The following LRP1B variants were observed in gnomAD, a reference collection of about 807,000 sequenced individuals.
LRP1B encodes LDL receptor related protein 1B, also known as low-density lipoprotein receptor-related protein 1B.
LRP1B carries 217 observed loss-of-function variants against 556.6 expected under a neutral mutation model. That is an observed-to-expected ratio of 0.39 (90% confidence interval 0.35 to 0.44). The LOEUF (loss-of-function observed/expected upper bound fraction) is 0.44, where lower values mean the gene tolerates loss of function less well. Ranked by LOEUF, LRP1B falls within the 20% of genes least tolerant of loss-of-function variation. LRP1B has a pLI of 1.00. For missense variants in LRP1B, 5,053 were observed against 5,620.8 expected (o/e 0.90, Z 3.23); for synonymous variants, 2,047 against 1,865.8 (o/e 1.10, Z -2.50).
chr2:141,216,031 T>C (rs1222258824), intron 6 of LRP1B, among the ~76,000 whole-genome samples: 1 of 152,128 alleles, frequency 6.6e-6, no homozygotes, highest in Non-Finnish European at 1.5e-5. Flanking sequence ...GAAAAATGTC[T>C]CAAAGGCACT....
At chr2:140,240,405 A>G (rs1217614131) in intron 87 of LRP1B, among the ~76,000 whole-genome samples, 4 of 150,704 alleles carry the variant, frequency 2.7e-5, no homozygotes, top group Admixed American at 1.3e-4. Flanking sequence ...AAAATGGAGG[A>G]GACTTGGTTT....
intron 2 of LRP1B, among the ~76,000 whole-genome samples, chr2:141,644,007 AGAGTGT>A (rs57982443): frequency 0.13 from 17,905 of 142,088 alleles, 1,114 homozygotes; most frequent in South Asian, 0.15. Context: ...GAGAATGTGG[AGAGTGT>A]GTGTGTGTGT....
At chr2:141,156,632 A>AG (rs1433993332) in intron 7 of LRP1B, among the ~76,000 whole-genome samples, 1 of 152,000 alleles carries the variant, frequency 6.6e-6, no homozygotes, top group South Asian at 2.1e-4. Context: ...GAAAAAAAAA[A>AG]AAAATCAATT....
intron 43 of LRP1B, among the ~76,000 whole-genome samples, chr2:140,572,564 T>G (rs748088193): frequency 2.0e-5 from 3 of 151,618 alleles, no homozygotes; most frequent in African/African-American, 4.8e-5. Flanking sequence ...GAAAAAAATA[T>G]TGAAGGGTCT....
chr2:140,919,556 G>A (rs1197778168), intron 21 of LRP1B, among the ~76,000 whole-genome samples: 5 of 151,974 alleles, frequency 3.3e-5, no homozygotes, highest in Admixed American at 2.6e-4. Context: ...CCAGATCCCA[G>A]CTTCATGTGG....
chr2:141,119,905 C>G (rs1922694), intron 7 of LRP1B, among the ~76,000 whole-genome samples: 1 of 151,960 alleles, frequency 6.6e-6, no homozygotes, highest in African/African-American at 2.4e-5. Context: ...CATCTATCAC[C>G]CTGAAGATCC....
intron 33 of LRP1B, among the ~76,000 whole-genome samples, chr2:140,775,287 T>C (rs1452893252): frequency 6.6e-6 from 1 of 151,940 alleles, no homozygotes; most frequent in Non-Finnish European, 1.5e-5. Flanking sequence ...CCCTTGGTTT[T>C]CTATTATTAC....
intron 77 of LRP1B, among the ~76,000 whole-genome samples, chr2:140,342,330 G>A (rs545288826): frequency 1.3e-5 from 2 of 151,086 alleles, no homozygotes; most frequent in Admixed American, 1.3e-4. Flanking sequence ...ACTATTCAGT[G>A]AAGGCCAATT....
At chr2:141,181,249 G>A (rs536411781) in intron 7 of LRP1B, among the ~76,000 whole-genome samples, 130 of 151,902 alleles carry the variant, frequency 8.6e-4, no homozygotes, top group African/African-American at 2.9e-3. Context: ...CCTTATGACC[G>A]TAGAGGAATT....
rs564792492 is a variant in LRP1B, at chr2:141,380,187, G to A, written c.343+100209C>T. Among the ~76,000 whole-genome samples, 14 of 151,170 alleles carry A rather than the reference G, an allele frequency of 9.3e-5. 1 individual carries two copies. The highest frequency in any genetic ancestry group is 3.4e-4 in the African/African-American group (14 of 41,156). ...GCGGCAGTTTTGAGCAGTCATGTGA[G>A]CTCCTCCTGGGGCTCTTCCTCTTGG... On this transcript the variant is annotated intron_variant, in intron 3 of 90. Transcript: ENST00000389484.
intron 31 of LRP1B, among the ~76,000 whole-genome samples, chr2:140,821,980 C>T (rs1691344781): frequency 6.8e-6 from 1 of 147,934 alleles, no homozygotes; most frequent in Non-Finnish European, 1.5e-5. Flanking sequence ...GCCTGGGCGA[C>T]AGAGTGAGAC....
At chr2:141,423,157 C>T (rs1170856063) in intron 3 of LRP1B, among the ~76,000 whole-genome samples, 1 of 152,014 alleles carries the variant, frequency 6.6e-6, no homozygotes, top group Non-Finnish European at 1.5e-5. Context: ...CTAACCTCTA[C>T]CTCCTGGCAG....
At chr2:140,932,927 G>GTA (rs1254997940) in intron 20 of LRP1B, among the ~76,000 whole-genome samples, 18 of 72,390 alleles carry the variant, frequency 2.5e-4, no homozygotes, top group East Asian at 1.4e-3. Context: ...ATATATATGT[G>GTA]TATATATATA....
At chr2:142,107,794 A>ATTTTTTTTTT (rs67962280) in intron 1 of LRP1B, among the ~76,000 whole-genome samples, 66 of 110,592 alleles carry the variant, frequency 6.0e-4, no homozygotes, top group Middle Eastern at 4.8e-3. Flanking sequence ...CGCCTAGCTA[A>ATTTTTTTTTT]TTTTTTTTTT....
intron 14 of LRP1B, among the ~76,000 whole-genome samples, chr2:141,007,317 G>T (rs1017734510): frequency 6.6e-6 from 1 of 151,740 alleles, no homozygotes; most frequent in Admixed American, 6.6e-5. Flanking sequence ...ATCATTGAGT[G>T]CCCGTAGATC....
intron 2 of LRP1B, among the ~76,000 whole-genome samples, chr2:141,617,123 A>G (rs1408435358): frequency 6.6e-6 from 1 of 152,072 alleles, no homozygotes; most frequent in African/African-American, 2.4e-5. Flanking sequence ...AGCTTACTGT[A>G]TTTTGATTAC....
intron 43 of LRP1B, among the ~76,000 whole-genome samples, chr2:140,577,798 A>C (rs952420084): frequency 2.0e-5 from 3 of 152,156 alleles, no homozygotes; most frequent in African/African-American, 7.2e-5. Flanking sequence ...AATTTTGATC[A>C]AAATCAGTTT....
At chr2:140,380,864 A>G (rs1573868670) in intron 67 of LRP1B, among the ~76,000 whole-genome samples, 1 of 152,142 alleles carries the variant, frequency 6.6e-6, no homozygotes, top group East Asian at 1.9e-4. Flanking sequence ...CAGAATGCTC[A>G]TTTTCTAGAG....
At chr2:140,770,430 G>GTACCA (rs1303873432) in intron 34 of LRP1B, among the ~76,000 whole-genome samples, 3 of 151,862 alleles carry the variant, frequency 2.0e-5, no homozygotes, top group Admixed American at 6.6e-5. Context: ...GATTTCTTAG[G>GTACCA]TACCAGTTCT....
Sources: allele counts gnomAD v4.1 joint callset (sites outside exome capture counted in the v4.1 genomes callset), GRCh38; gene constraint gnomAD v4.1.1; transcripts MANE v1.5; gene names NCBI Gene and HGNC (gene_info 2026-07-23, HGNC 2026-07-21).